The following CACNA1D variants were observed in gnomAD, a reference collection of about 807,000 sequenced individuals.
CACNA1D encodes voltage-dependent L-type calcium channel subunit alpha-1D.
A neutral mutation model predicts 257.1 loss-of-function variants in CACNA1D; 55 were observed. The ratio of observed to expected loss-of-function variants is 0.21; its 90% confidence interval spans 0.17 to 0.27. The LOEUF is 0.27. Ranked by LOEUF, CACNA1D falls within the 10% of genes least tolerant of loss-of-function variation. The pLI, the probability that CACNA1D is intolerant of heterozygous loss-of-function variation, is 1.00. For synonymous variants in CACNA1D, 980 were observed against 1,014.9 expected (o/e 0.97, Z 0.65); for missense variants, 1,876 against 2,784.0 (o/e 0.67, Z 7.34).
chr3:53,609,261 T>A (rs1396754133), intron 3 of CACNA1D, among the ~76,000 whole-genome samples: 1 of 151,902 alleles, frequency 6.6e-6, no homozygotes, highest in South Asian at 2.1e-4. Context: ...ATACAAAAAA[T>A]TAGCTGGGCA....
intron 14 of CACNA1D, among the ~76,000 whole-genome samples, chr3:53,726,453 C>G (rs369412744): frequency 7.8e-4 from 119 of 152,116 alleles, no homozygotes; most frequent in Non-Finnish European, 1.4e-3. Flanking sequence ...GCCTGGCCAA[C>G]TGCTGTAACA....
intron 30 of CACNA1D, chr3:53,762,762 C>G (rs2095310798): frequency 5.3e-6 from 2 of 375,126 alleles, no homozygotes; most frequent in Non-Finnish European, 1.1e-5. Flanking sequence ...TTTTGAAAGA[C>G]TAAGGATAAT....
chr3:53,751,673 C>A lies in CACNA1D; in HGVS notation c.3517-76C>A, dbSNP rs533877434. The A allele has an allele frequency of 6.7e-7, 1 of 1,482,608 alleles. No homozygotes were observed. The highest frequency in any genetic ancestry group is 9.4e-7 in the Non-Finnish European group (1 of 1,061,390). 91.8% of individuals were successfully genotyped at this position (1,482,608 alleles called of 1,614,324 possible). ...CCGGGAGCTGTAGGGTGAGCTCTTT[C>A]AGAGCAGATGACCACGGGGTCCTCC... On this transcript the variant is annotated intron_variant, in intron 27 of 47. Coordinates refer to ENST00000350061, the MANE Select transcript of CACNA1D (RefSeq NM_001128840.3). The surrounding 1 kb of genome is among the most constrained non-coding windows in gnomAD (Gnocchi z 4.3).
intron 3 of CACNA1D, among the ~76,000 whole-genome samples, chr3:53,588,593 C>T (rs1198827164): frequency 6.6e-6 from 1 of 152,136 alleles, no homozygotes; most frequent in Middle Eastern, 3.2e-3. Flanking sequence ...TCTCTAGCTG[C>T]GACAGACACA....
chr3:53,628,023 A>AT (rs2093779409), intron 3 of CACNA1D, among the ~76,000 whole-genome samples: 1 of 152,106 alleles, frequency 6.6e-6, no homozygotes, highest in African/African-American at 2.4e-5. Flanking sequence ...CCATCTCAAA[A>AT]AAAATAAATA....
chr3:53,544,279 C>A (rs1488579850), intron 3 of CACNA1D, among the ~76,000 whole-genome samples: 1 of 151,990 alleles, frequency 6.6e-6, no homozygotes, highest in African/African-American at 2.4e-5. Context: ...TATAAAGGGG[C>A]AAATTTTGCA....
Position 53,751,523 on chromosome 3 carries a change from A to G in CACNA1D, c.3517-226A>G, listed in dbSNP as rs2095226059. 6.6e-6 allele frequency among the ~76,000 whole-genome samples: 1 copy of G among 152,180 alleles called. No homozygotes were observed. The highest frequency in any genetic ancestry group is 2.4e-5 in the African/African-American group (1 of 41,450). On this transcript the variant is annotated intron_variant, in intron 27 of 47. Transcript: ENST00000350061. The surrounding 1 kb of genome is among the most constrained non-coding windows in gnomAD (Gnocchi z 4.3). ...AGCCACATGGGTAGGCACCCAGCTT[A>G]CCCGGAGCTTGCTGGGAGGGTCAGC...
intron 3 of CACNA1D, among the ~76,000 whole-genome samples, chr3:53,557,802 C>G (rs920496592): frequency 6.6e-6 from 1 of 152,180 alleles, no homozygotes; most frequent in Admixed American, 6.5e-5. Context: ...CTTGAATTCT[C>G]CAGTTTCTTA....
At chr3:53,744,073 G>C (rs1198907707) in intron 22 of CACNA1D, among the ~76,000 whole-genome samples, 1 of 152,122 alleles carries the variant, frequency 6.6e-6, no homozygotes, top group East Asian at 1.9e-4. Flanking sequence ...CAGCCACCTA[G>C]GGTAAAGCAG....
Position 53,761,745 on chromosome 3 carries a change from A to AGT in CACNA1D, c.3787-234_3787-233dup, listed in dbSNP as rs111473773. Among the ~76,000 whole-genome samples, 1,691 of 150,164 alleles carry AGT rather than the reference A, an allele frequency of 0.011. 26 individuals are homozygous for AGT. Among genetic ancestry groups the AGT allele is most frequent in the African/African-American group, 0.027 (1,117 of 40,986 alleles). ...TGGTTTGGTGCCACTCAGGACCGTGAGTGTGTGTGTGTGTGTGTGTATGCA... is the reference window on the plus strand; with the variant it reads ...TGGTTTGGTGCCACTCAGGACCGTGAGTGTGTGTGTGTGTGTGTGTGTATGCA... On this transcript the variant is annotated intron_variant, in intron 29 of 47. Coordinates refer to ENST00000350061, the MANE Select transcript of CACNA1D (RefSeq NM_001128840.3).
intron 31 of CACNA1D, among the ~76,000 whole-genome samples, 181 bp from the exon 32 acceptor site, chr3:53,770,243 C>G (rs988552710): frequency 6.6e-6 from 1 of 152,178 alleles, no homozygotes; most frequent in Non-Finnish European, 1.5e-5. Flanking sequence ...ACGCAGTTTT[C>G]CGAGCTCTGT....
chr3:53,495,165 GGATGATGAT>G lies in CACNA1D; in HGVS notation c.14_22del (p.MetMetMet5_?7), dbSNP rs751190058. On this transcript the variant is annotated start_lost and 5_prime_UTR_variant, in exon 1 of 48. Transcript: ENST00000350061. The surrounding 1 kb of genome is among the most constrained non-coding windows in gnomAD (Gnocchi z 5.1). ...CAGTAGTCGCTCAATAAATGTTCGT[GGATGATGAT>G]GATGATGATGATGAAAAAAATGCAG... 1 of 1,607,398 alleles carries G rather than the reference GGATGATGAT, an allele frequency of 6.2e-7. No homozygotes were observed. Among genetic ancestry groups the G allele is most frequent in the African/African-American group, 1.3e-5 (1 of 74,628 alleles).
intron 2 of CACNA1D, among the ~76,000 whole-genome samples, chr3:53,499,323 C>G (rs973692993): frequency 6.6e-6 from 1 of 151,336 alleles, no homozygotes; most frequent in Non-Finnish European, 1.5e-5. Context: ...ATTTTTTTTT[C>G]TCTTTTTTTA....
At chr3:53,701,384 G>C (rs747448152) in intron 8 of CACNA1D, among the ~76,000 whole-genome samples, 13 of 152,128 alleles carry the variant, frequency 8.5e-5, no homozygotes, top group Admixed American at 2.0e-4. Context: ...CACCCACCTT[G>C]GCTTCCCAAA....
intron 8 of CACNA1D, among the ~76,000 whole-genome samples, chr3:53,680,916 A>T (rs894936668): frequency 6.6e-6 from 1 of 152,224 alleles, no homozygotes; most frequent in African/African-American, 2.4e-5. Context: ...GTATACAAAG[A>T]CCAGTAGATC....
At chr3:53,753,775 A>G (rs1432066033) in intron 29 of CACNA1D, 93 bp downstream of exon 29, 18 of 800,184 alleles carry the variant, frequency 2.2e-5, no homozygotes, top group Non-Finnish European at 3.8e-5. Context: ...GAATTATGCT[A>G]AAGTGTTCTG....
Position 53,770,456 on chromosome 3 carries a change from C to T in CACNA1D, c.3948C>T (p.Thr1316=). The change falls in exon 32 of 48, where the codon ACC becomes ACT. Residue 1316 remains threonine (T), a synonymous_variant. Transcript: ENST00000350061. ...NSEESNRISI[T]FFRLFRVMRL... is the part of the protein sequence containing the mutation. Reference sequence around the variant, plus strand: ...AAGAGAGCAATAGAATCTCCATCACCTTTTTCCGTCTTTTCCGAGTGATGC... The same window carrying T: ...AAGAGAGCAATAGAATCTCCATCACTTTTTTCCGTCTTTTCCGAGTGATGC... 6.2e-7 allele frequency: 1 copy of T among 1,613,592 alleles called. No individual in the cohort carries two copies. The highest frequency in any genetic ancestry group is 1.7e-5 in the Admixed American group (1 of 60,032).
At chr3:53,558,535 A>C (rs1291270243) in intron 3 of CACNA1D, among the ~76,000 whole-genome samples, 3 of 152,096 alleles carry the variant, frequency 2.0e-5, no homozygotes, top group African/African-American at 7.2e-5. Context: ...TAGGCTATCT[A>C]ATTTGTTGAC....
chr3:53,559,490 G>T (rs183675311), intron 3 of CACNA1D, among the ~76,000 whole-genome samples: 5 of 152,222 alleles, frequency 3.3e-5, no homozygotes, highest in Admixed American at 1.3e-4. Context: ...CGACCTGGTT[G>T]CAAATTCTGA....
Sources: gnomAD v4.1 joint callset for allele counts (sites outside exome capture counted in the v4.1 genomes callset) on GRCh38, gnomAD v4.1.1 for gene constraint, Gnocchi (gnomAD v3.1) non-coding constraint, MANE v1.5 for transcripts, NCBI Gene and HGNC (gene_info 2026-07-23, HGNC 2026-07-21) for gene names.